NUP210L: variants seen among roughly 807,000 people sequenced by gnomAD.
NUP210L encodes nucleoporin 210 like, also known as nuclear pore membrane glycoprotein 210-like.
In NUP210L, 74 loss-of-function variants were observed where a neutral mutation model predicts 208.5. The observed-to-expected ratio is 0.35, with a 90% CI of 0.29 to 0.43. The LOEUF (loss-of-function observed/expected upper bound fraction) is 0.43. NUP210L is among the 20% of genes least tolerant of loss of function. The pLI is 1.00. For synonymous variants in NUP210L, 780 were observed against 816.9 expected (o/e 0.95, Z 0.77); for missense variants, 1,843 against 2,289.4 (o/e 0.81, Z 3.98).
intron 20 of NUP210L, 119 bp from the exon 21 acceptor site, chr1:154,058,812 C>A: frequency 1.1e-6 from 1 of 929,106 alleles, no homozygotes; most frequent in Non-Finnish European, 1.6e-6. Context: ...ACTGGGGACT[C>A]TCAGACGTCA....
chr1:153,995,095 T>C (rs977073701), exon 38 of NUP210L: 1 of 1,612,338 alleles, frequency 6.2e-7, no homozygotes, highest in Non-Finnish European at 8.5e-7. Context: ...TGGAAGCTGT[T>C]GATGCCAGCA....
intron 12 of NUP210L, among the ~76,000 whole-genome samples, chr1:154,115,946 C>T (rs571872900): frequency 5.9e-5 from 9 of 152,134 alleles, no homozygotes; most frequent in Non-Finnish European, 1.2e-4. Context: ...TGGTGAAACC[C>T]CGTCTCTACT....
chr1:154,120,827 C>T (rs1375216962), intron 10 of NUP210L, among the ~76,000 whole-genome samples: 2 of 133,436 alleles, frequency 1.5e-5, no homozygotes, highest in South Asian at 4.9e-4. Flanking sequence ...ACCCATGAGG[C>T]GGAGGTTGCA....
intron 10 of NUP210L, 58 bp from the exon 11 acceptor site, chr1:154,118,866 A>T: frequency 6.1e-6 from 6 of 985,600 alleles, no homozygotes; most frequent in Non-Finnish European, 8.8e-6. Flanking sequence ...CTTATAATAC[A>T]CATTCATATA....
rs1650537650 is a variant in NUP210L at position 154,006,611 on chromosome 1, A to G, written c.4930+3361T>C. ...TGGGTTCAAGCAATTCTCCTGCCTC[A>G]GCCTCCCGAGTAGCTGGGACTACAG... On this transcript the variant is annotated intron_variant, in intron 35 of 39. Coordinates refer to ENST00000368559, the Ensembl canonical transcript of NUP210L. Among the ~76,000 whole-genome samples the G allele has an allele frequency of 2.0e-5, 3 of 151,538 alleles. No individual in the cohort carries two copies. In the South Asian group the frequency reaches 6.3e-4, roughly 32 times the overall value.
chr1:154,090,514 C>CA (rs1276338323), intron 15 of NUP210L, among the ~76,000 whole-genome samples: 2 of 151,908 alleles, frequency 1.3e-5, no homozygotes, highest in Non-Finnish European at 2.9e-5. Flanking sequence ...AAGACTGATT[C>CA]AAAAAATGGG....
At chr1:154,059,928 C>T (rs2147995902) in intron 20 of NUP210L, among the ~76,000 whole-genome samples, 1 of 152,218 alleles carries the variant, frequency 6.6e-6, no homozygotes, top group Non-Finnish European at 1.5e-5. Context: ...TTGTCATGTC[C>T]TGGCTGAAAA....
chr1:154,058,482 G>A, intron 21 of NUP210L, 83 bp downstream of exon 21: 1 of 1,468,008 alleles, frequency 6.8e-7, no homozygotes, highest in South Asian at 1.3e-5. Context: ...ACACACAGTA[G>A]CTGAGCAGAG....
chr1:154,069,977 C>G (rs1003883249), intron 17 of NUP210L, among the ~76,000 whole-genome samples: 1 of 152,144 alleles, frequency 6.6e-6, no homozygotes, highest in Non-Finnish European at 1.5e-5. Flanking sequence ...CGCACGTTCT[C>G]TCTCAGAGGT....
intron 14 of NUP210L, among the ~76,000 whole-genome samples, chr1:154,095,652 A>G (rs1259784319): frequency 6.6e-6 from 1 of 152,202 alleles, no homozygotes; most frequent in Non-Finnish European, 1.5e-5. Context: ...ATAACTGCAT[A>G]AGCATTTTTT....
intron 37 of NUP210L, among the ~76,000 whole-genome samples, chr1:153,997,347 C>T (rs570927486): frequency 2.0e-5 from 3 of 151,204 alleles, no homozygotes; most frequent in East Asian, 1.9e-4. Context: ...CTCTATGTTG[C>T]GCAGGCTTGC....
intron 16 of NUP210L, among the ~76,000 whole-genome samples, chr1:154,077,571 G>A (rs1655105466): frequency 6.6e-6 from 1 of 152,032 alleles, no homozygotes; most frequent in Non-Finnish European, 1.5e-5. Context: ...AAGGTCACTA[G>A]ACAATAGCTT....
chr1:154,091,675 AT>A, intron 15 of NUP210L, among the ~76,000 whole-genome samples: 1 of 150,744 alleles, frequency 6.6e-6, no homozygotes, highest in Non-Finnish European at 1.5e-5. Flanking sequence ...TAATTTTTGT[AT>A]TTTTAGTAGA....
At position 154,149,548 on chromosome 1, in the gene NUP210L, A is replaced by G. The variant is rs115010596; in HGVS notation, c.340+3188T>C. On this transcript the variant is annotated intron_variant, in intron 2 of 39. Coordinates refer to ENST00000368559, the Ensembl canonical transcript of NUP210L. Reference sequence around the variant, plus strand: ...CAACCCCACTACCATAGTCTTACAAAAAATAAAAAAACTAGCCAGGCCTGG... The same window carrying G: ...CAACCCCACTACCATAGTCTTACAAGAAATAAAAAAACTAGCCAGGCCTGG... Among the ~76,000 whole-genome samples the G allele has an allele frequency of 5.8e-3, 888 of 152,108 alleles. 11 individuals are homozygous for G. The highest frequency in any genetic ancestry group is 0.02 in the African/African-American group (843 of 41,508).
intron 27 of NUP210L, among the ~76,000 whole-genome samples, chr1:154,034,797 C>T (rs1652438125): frequency 1.3e-5 from 2 of 148,980 alleles, no homozygotes; most frequent in East Asian, 3.9e-4. Flanking sequence ...CCTTAATGAT[C>T]CTTTGAATTT....
chr1:154,154,088 A>G (rs1659558444), intron 1 of NUP210L, among the ~76,000 whole-genome samples: 1 of 152,118 alleles, frequency 6.6e-6, no homozygotes, highest in Non-Finnish European at 1.5e-5. Flanking sequence ...TCAGGAAGTC[A>G]TTATCCCGGA....
intron 17 of NUP210L, among the ~76,000 whole-genome samples, chr1:154,063,946 T>A (rs1210821854): frequency 1.3e-5 from 2 of 150,186 alleles, no homozygotes; most frequent in South Asian, 4.1e-4. Flanking sequence ...AGCACTAAAG[T>A]ACATATATTA....
intron 16 of NUP210L, among the ~76,000 whole-genome samples, chr1:154,076,966 T>C (rs1655069205): frequency 6.6e-6 from 1 of 152,014 alleles, no homozygotes; most frequent in Non-Finnish European, 1.5e-5. Flanking sequence ...GACAGAATCA[T>C]AAAAACAGAA....
intron 16 of NUP210L, among the ~76,000 whole-genome samples, chr1:154,080,359 CAAAA>C (rs1377653117): frequency 7.7e-6 from 1 of 129,116 alleles, no homozygotes; most frequent in Non-Finnish European, 1.7e-5. Flanking sequence ...GACTCCATCT[CAAAA>C]AAAAAAAAAG....
Sources: gnomAD v4.1 joint callset for allele counts (sites outside exome capture counted in the v4.1 genomes callset) on GRCh38, gnomAD v4.1.1 for gene constraint, MANE v1.5 for transcripts, NCBI Gene and HGNC (gene_info 2026-07-23, HGNC 2026-07-21) for gene names.